The following GAN variants were observed in gnomAD, a reference collection of about 807,000 sequenced individuals.
The protein encoded by GAN is epididymis secretory sperm binding protein.
GAN carries 48 observed loss-of-function variants against 71.3 expected under a neutral mutation model. That is an observed-to-expected ratio of 0.67 (90% CI 0.53 to 0.86). The LOEUF (loss-of-function observed/expected upper bound fraction) is 0.86. Ranked by LOEUF, GAN falls within the 40% of genes least tolerant of loss-of-function variation. The pLI is 0.00. For synonymous variants in GAN, 386 were observed against 276.8 expected (o/e 1.39, Z -3.92); for missense variants, 928 against 770.1 (o/e 1.21, Z -2.43).
At chr16:81,341,910 A>G (rs1445461350) in intron 1 of GAN, among the ~76,000 whole-genome samples, 1 of 152,232 alleles carries the variant, frequency 6.6e-6, no homozygotes, top group Non-Finnish European at 1.5e-5. Context: ...AAAGACACAC[A>G]TAGGCTCAAA....
chr16:81,382,341 C>G lies in GAN; in HGVS notation c.*4745C>G, dbSNP rs1045014421. 1.3e-5 allele frequency: 2 copies of G among 152,196 alleles called. No homozygotes were observed. The highest frequency in any genetic ancestry group is 2.9e-5 in the Non-Finnish European group (2 of 68,030). 9.4% of individuals were successfully genotyped at this position (152,196 alleles called of 1,614,324 possible). A position where few individuals can be genotyped will look rare whatever the true frequency, so the allele number is the denominator to read the frequency against. On this transcript the variant is annotated 3_prime_UTR_variant, in exon 11 of 11. Transcript: ENST00000648994. ...ATTTTTAGTATTAATACAATTTACGCTCCCAAACATGTCCTTTGCTAGTTG... is the reference window on the plus strand; with the variant it reads ...ATTTTTAGTATTAATACAATTTACGGTCCCAAACATGTCCTTTGCTAGTTG...
chr16:81,365,377 T>C lies in GAN; in HGVS notation c.1401T>C (p.Ala467=). 6.2e-7 allele frequency: 1 copy of C among 1,613,706 alleles called. No individual in the cohort carries two copies. The part of the protein sequence containing the change: ...RRFGAVACGV[A]MELYVFGGVR... ...TTGGAGCGGTGGCCTGTGGAGTTGC[T>C]ATGGAGCTGTATGTGTTTGGGGGAG... Residue 467 remains alanine, a synonymous_variant, in exon 9 of 11, where the codon GCT becomes GCC. Coordinates refer to ENST00000648994, the MANE Select transcript of GAN (RefSeq NM_022041.4).
rs868588453 is a variant in GAN, at chr16:81,379,677, A to G, written c.*2081A>G. 1.3e-5 allele frequency: 2 copies of G among 152,266 alleles called. No individual in the cohort carries two copies. Among genetic ancestry groups the G allele is most frequent in the African/African-American group, 4.8e-5 (2 of 41,476 alleles). The allele number at this position is 152,266 out of a possible 1,614,324, so 9.4% of individuals were successfully genotyped here. On this transcript the variant is annotated 3_prime_UTR_variant, in exon 11 of 11. Coordinates refer to ENST00000648994, the MANE Select transcript of GAN (RefSeq NM_022041.4). The stretch of plus-strand genomic sequence containing the variant: ...TTTGCTTTGGTGAAATGTCCTGTAC[A>G]GAACAGTACCTTGGCATTCAGCAGC...
At chr16:81,370,220 G>C (rs1253236396) in intron 9 of GAN, among the ~76,000 whole-genome samples, 1 of 152,116 alleles carries the variant, frequency 6.6e-6, no homozygotes, top group Non-Finnish European at 1.5e-5. Context: ...CATCTCACTG[G>C]TCTACCCCAC....
Position 81,357,905 on chromosome 16 carries a change from G to A in GAN, c.947G>A (p.Arg316Lys), listed in dbSNP as rs567743470. The A allele has an allele frequency of 6.2e-7, 1 of 1,613,898 alleles. No individual in the cohort carries two copies. The highest frequency in any genetic ancestry group is 1.7e-5 in the Admixed American group (1 of 60,024). Residue 316 changes from arginine (R) to lysine (K), a missense_variant, in exon 5 of 11, where the codon AGA becomes AAA. By Grantham distance (26) the Arg-to-Lys change is conservative. Transcript: ENST00000648994. ...GAACTGGCCCCTTTAAGCATGCCGA[G>A]AATTAACCATGGAGTTCTCTCAGCA... ...WIELAPLSMP[R>K]INHGVLSAEG...
At chr16:81,346,810 C>T (rs1243318114) in intron 1 of GAN, among the ~76,000 whole-genome samples, 1 of 152,172 alleles carries the variant, frequency 6.6e-6, no homozygotes, top group Non-Finnish European at 1.5e-5. Flanking sequence ...GAGAAGACTG[C>T]CTGGCAGGAG....
intron 1 of GAN, among the ~76,000 whole-genome samples, chr16:81,338,803 T>A (rs573991148): frequency 6.6e-6 from 1 of 152,160 alleles, no homozygotes; most frequent in Non-Finnish European, 1.5e-5. Flanking sequence ...CCGGATAGAT[T>A]TGAGTGATGC....
chr16:81,347,058 A>G (rs1341409036), intron 1 of GAN, among the ~76,000 whole-genome samples: 1 of 152,228 alleles, frequency 6.6e-6, no homozygotes, highest in Non-Finnish European at 1.5e-5. Flanking sequence ...AAGTGAAGAC[A>G]TGTCTGCTGC....
chr16:81,331,882 G>T (rs928640166), intron 1 of GAN, among the ~76,000 whole-genome samples: 2 of 152,252 alleles, frequency 1.3e-5, no homozygotes, highest in African/African-American at 2.4e-5. Context: ...CTCTTGGAAG[G>T]CCGGGCGTGG....
rs1488462125 is a variant in GAN, at chr16:81,377,844, G to C, written c.*248G>C. 1 of 546,342 alleles carries C rather than the reference G, an allele frequency of 1.8e-6. No individual in the cohort carries two copies. The highest frequency in any genetic ancestry group is 3.2e-5 in the East Asian group (1 of 31,304). The allele number at this position is 546,342 out of a possible 1,614,324, so 33.8% of individuals were successfully genotyped here. A position where few individuals can be genotyped will look rare whatever the true frequency, so the allele number is the denominator to read the frequency against. On this transcript the variant is annotated 3_prime_UTR_variant, in exon 11 of 11. Coordinates refer to ENST00000648994, the MANE Select transcript of GAN (RefSeq NM_022041.4). The stretch of plus-strand genomic sequence containing the variant: ...TGTGGCTGTAGATGTTGGAGGCTAG[G>C]GAGGCTAGTAAATATCAAAAGGAAA...
intron 1 of GAN, among the ~76,000 whole-genome samples, chr16:81,349,919 C>A (rs1359416861): frequency 6.6e-6 from 1 of 152,068 alleles, no homozygotes; most frequent in Non-Finnish European, 1.5e-5. Context: ...ATACCAAGAG[C>A]ATGTTTCAAA....
intron 5 of GAN, 127 bp downstream of exon 5, chr16:81,358,058 A>C (rs149141590): frequency 2.4e-6 from 2 of 842,934 alleles, no homozygotes; most frequent in African/African-American, 1.7e-5. Context: ...TTTTTAGTGT[A>C]GTTCTAGCTT....
intron 1 of GAN, among the ~76,000 whole-genome samples, chr16:81,344,557 C>T (rs544098543): frequency 2.2e-4 from 34 of 152,136 alleles, no homozygotes; most frequent in African/African-American, 6.3e-4. Flanking sequence ...ACTGGCTAGC[C>T]GTATGCAGAA....
At chr16:81,368,468 A>C (rs891957628) in intron 9 of GAN, among the ~76,000 whole-genome samples, 1 of 152,184 alleles carries the variant, frequency 6.6e-6, no homozygotes. Flanking sequence ...TGAGCTGAAC[A>C]TGGTAGTCCA....
Position 81,377,264 on chromosome 16 carries a change from C to T in GAN, c.1548C>T (p.Ser516=). 3.7e-6 allele frequency: 6 copies of T among 1,612,508 alleles called. No individual in the cohort carries two copies. The highest frequency in any genetic ancestry group is 1.6e-4 in the Middle Eastern group (1 of 6,062). ...NDQNLCIPAS[S]SFVYGAVPIG... ...AGAATTTATGCATCCCCGCCAGTTCCTCTTTTGTTTATGGAGCTGTACCTA... is the reference window on the plus strand; with the variant it reads ...AGAATTTATGCATCCCCGCCAGTTCTTCTTTTGTTTATGGAGCTGTACCTA... The change falls in exon 10 of 11, where the codon TCC becomes TCT. Residue 516 remains serine, a synonymous_variant. Transcript: ENST00000648994.
chr16:81,350,035 GA>G (rs1222242812), intron 1 of GAN, among the ~76,000 whole-genome samples: 2 of 151,826 alleles, frequency 1.3e-5, no homozygotes, highest in Non-Finnish European at 2.9e-5. Context: ...AGCATTGACC[GA>G]AAAATTGTTC....
chr16:81,388,000 C>A lies in GAN; in HGVS notation c.*10404C>A, dbSNP rs1904453859. 6.6e-6 allele frequency: 1 copy of A among 152,242 alleles called. No individual in the cohort carries two copies. Among genetic ancestry groups the A allele is most frequent in the Non-Finnish European group, 1.5e-5 (1 of 68,074 alleles). 9.4% of individuals were successfully genotyped at this position (152,242 alleles called of 1,614,324 possible). A position where few individuals can be genotyped will look rare whatever the true frequency, so the allele number is the denominator to read the frequency against. On this transcript the variant is annotated 3_prime_UTR_variant, in exon 11 of 11. Coordinates refer to ENST00000648994, the MANE Select transcript of GAN (RefSeq NM_022041.4). ...TTGAACCAGCCTTGATTGTTCTCTC[C>A]ATGTTCCACTGTGGCTCCCCATGGA...
At chr16:81,318,738 A>G (rs1272939727) in intron 1 of GAN, among the ~76,000 whole-genome samples, 9 of 152,154 alleles carry the variant, frequency 5.9e-5, no homozygotes, top group Non-Finnish European at 1.2e-4. Flanking sequence ...CATATTAGAA[A>G]GATTTTAAAT....
chr16:81,360,101 G>A (rs1444930096), intron 5 of GAN, among the ~76,000 whole-genome samples: 1 of 152,138 alleles, frequency 6.6e-6, no homozygotes, highest in East Asian at 1.9e-4. Flanking sequence ...GTAGATAGAT[G>A]ATTGATAGAC....
Sources: allele counts gnomAD v4.1 joint callset (sites outside exome capture counted in the v4.1 genomes callset), GRCh38; gene constraint gnomAD v4.1.1; transcripts MANE v1.5; gene names NCBI Gene and HGNC (gene_info 2026-07-23, HGNC 2026-07-21).